Variants in TRIO observed in about 807,000 individuals in gnomAD.
The protein encoded by TRIO is triple functional domain protein.
In TRIO, 58 loss-of-function variants were observed where a neutral mutation model predicts 351.9. The ratio of observed to expected loss-of-function variants is 0.16; its 90% CI spans 0.13 to 0.21. TRIO has a LOEUF of 0.21. Ranked by LOEUF, TRIO falls within the 10% of genes least tolerant of loss-of-function variation. The probability of loss-of-function intolerance (pLI) is 1.00; values close to 1 mark genes in which losing one functional copy is unlikely to be tolerated. For synonymous variants in TRIO, 1,758 were observed against 1,595.7 expected, an observed-to-expected ratio of 1.10 and a Z score of -2.42; for missense variants, 3,201 against 4,027.8, an observed-to-expected ratio of 0.79 and a Z score of 5.56.
rs572624454 is a variant in TRIO at position 14,190,790 on chromosome 5, A to G, written c.157+46908A>G. Reference sequence around the variant, plus strand: ...AAAAAATCCACCTCAAAAAGAAGTGAATGGCTGTTATGATCACCTCAGAAG... The same window carrying G: ...AAAAAATCCACCTCAAAAAGAAGTGGATGGCTGTTATGATCACCTCAGAAG... On this transcript the variant is annotated intron_variant, in intron 1 of 56. Transcript: ENST00000344204. Among the ~76,000 whole-genome samples the G allele has an allele frequency of 2.0e-5, 3 of 152,298 alleles. No individual in the cohort carries two copies. In the East Asian group the frequency reaches 5.8e-4, roughly 29 times the overall value.
chr5:14,418,008 T>C (rs1173135246), intron 33 of TRIO, among the ~76,000 whole-genome samples: 1 of 152,062 alleles, frequency 6.6e-6, no homozygotes, highest in Non-Finnish European at 1.5e-5. Context: ...GGATGGAAAG[T>C]TCACAGAAGA....
chr5:14,374,130 T>C, intron 18 of TRIO, 99 bp from the exon 19 acceptor site: 1 of 767,466 alleles, frequency 1.3e-6, no homozygotes, highest in Non-Finnish European at 2.1e-6. Flanking sequence ...CAGATAAATA[T>C]TTTAGGTAAA....
intron 34 of TRIO, chr5:14,440,884 G>C (rs1751975562): frequency 6.6e-6 from 1 of 152,230 alleles, no homozygotes; most frequent in South Asian, 2.1e-4. Context: ...AGTGCAGGCG[G>C]GGAGAGACAT....
At chr5:14,269,435 A>G (rs1581490896) in intron 1 of TRIO, among the ~76,000 whole-genome samples, 2 of 152,368 alleles carry the variant, frequency 1.3e-5, no homozygotes, top group East Asian at 1.9e-4. Context: ...CCTGACCCAC[A>G]CTACACATTC....
At chr5:14,496,847 C>T in intron 49 of TRIO, 32 bp from the exon 50 acceptor site, 1 of 1,611,010 alleles carries the variant, frequency 6.2e-7, no homozygotes, top group Non-Finnish European at 8.5e-7. Context: ...GTTGGAAAGG[C>T]ATAATACCCA....
At chr5:14,484,117 C>T (rs1755744784) in intron 46 of TRIO, among the ~76,000 whole-genome samples, 1 of 152,188 alleles carries the variant, frequency 6.6e-6, no homozygotes, top group Non-Finnish European at 1.5e-5. Context: ...CCCTGCACTG[C>T]ACCCATCCCC....
chr5:14,344,238 G>A (rs1742203608), intron 11 of TRIO, among the ~76,000 whole-genome samples: 1 of 150,446 alleles, frequency 6.6e-6, no homozygotes, highest in South Asian at 2.1e-4. Flanking sequence ...TTTGACCTTG[G>A]CATCACTTGG....
intron 1 of TRIO, among the ~76,000 whole-genome samples, chr5:14,162,156 A>G (rs752633776): frequency 2.0e-5 from 3 of 152,216 alleles, no homozygotes; most frequent in East Asian, 3.8e-4. Flanking sequence ...TTCCATTCAC[A>G]TATCTGGAGA....
chr5:14,403,993 TGTG>T lies in TRIO; in HGVS notation c.4717-1851_4717-1849del, dbSNP rs536308194. 1.0e-3 allele frequency among the ~76,000 whole-genome samples: 76 copies of T among 73,492 alleles called. No homozygotes were observed. The East Asian group carries it at 0.017, about 16-fold the overall frequency. The allele number at this position is 73,492 out of a possible 152,430, so 48.2% of individuals were successfully genotyped here. A position where few individuals can be genotyped will look rare whatever the true frequency, so the allele number is the denominator to read the frequency against. On this transcript the variant is annotated intron_variant, in intron 31 of 56. Coordinates refer to ENST00000344204, the MANE Select transcript of TRIO (RefSeq NM_007118.4). Reference sequence around the variant, plus strand: ...GGGTACAGGTGGTGAGGGTGCAGGTTGTGGTGAGGGTGTAGGTTGTGGTGAGGG... The same window carrying T: ...GGGTACAGGTGGTGAGGGTGCAGGTTGTGAGGGTGTAGGTTGTGGTGAGGG...
At chr5:14,253,466 C>T (rs1210239759) in intron 1 of TRIO, among the ~76,000 whole-genome samples, 1 of 152,196 alleles carries the variant, frequency 6.6e-6, no homozygotes, top group Non-Finnish European at 1.5e-5. Context: ...AGTGATCCTC[C>T]TGCCTCAGCC....
At chr5:14,346,542 A>AG (rs1742432429) in intron 11 of TRIO, among the ~76,000 whole-genome samples, 1 of 152,216 alleles carries the variant, frequency 6.6e-6, no homozygotes, top group Non-Finnish European at 1.5e-5. Context: ...TTTTTAAAGA[A>AG]GGTGGATTTC....
intron 56 of TRIO, among the ~76,000 whole-genome samples, chr5:14,507,603 C>T (rs1450306658): frequency 6.6e-6 from 1 of 151,980 alleles, no homozygotes; most frequent in Non-Finnish European, 1.5e-5. Flanking sequence ...AAAATGAACA[C>T]CCAGCTTCAT....
In TRIO at chr5:14,222,447, G is replaced by A. The variant is rs374149511; in HGVS notation, c.158-48378G>A. On this transcript the variant is annotated intron_variant, in intron 1 of 56. Transcript: ENST00000344204. Reference sequence around the variant, plus strand: ...GATGATGTCTTAGTTCCCTTTCATCGCAACCTCATTTTGTATTGTTTTGAA... The same window carrying A: ...GATGATGTCTTAGTTCCCTTTCATCACAACCTCATTTTGTATTGTTTTGAA... Among the ~76,000 whole-genome samples, 33 of 152,174 alleles carry A rather than the reference G, an allele frequency of 2.2e-4. No homozygotes were observed. The South Asian group carries it at 6.4e-3, about 30-fold the overall frequency.
intron 8 of TRIO, among the ~76,000 whole-genome samples, chr5:14,308,520 CTCCA>C (rs1738589774): frequency 6.6e-6 from 1 of 151,354 alleles, no homozygotes; most frequent in Admixed American, 6.6e-5. Context: ...CCCTCCCAAC[CTCCA>C]TCCATTTATC....
chr5:14,184,247 T>C (rs1040845331), intron 1 of TRIO, among the ~76,000 whole-genome samples: 28 of 152,174 alleles, frequency 1.8e-4, no homozygotes, highest in Admixed American at 1.8e-3. Flanking sequence ...CAGTTCTGTT[T>C]TGAGAGCCGA....
chr5:14,427,982 A>G (rs2152395284), intron 34 of TRIO, among the ~76,000 whole-genome samples: 1 of 152,268 alleles, frequency 6.6e-6, no homozygotes, highest in Non-Finnish European at 1.5e-5. Context: ...AGCCTCTGTG[A>G]CCAAACCCGG....
intron 1 of TRIO, among the ~76,000 whole-genome samples, chr5:14,197,245 A>G (rs1581328153): frequency 1.3e-5 from 2 of 152,172 alleles, no homozygotes; most frequent in East Asian, 1.9e-4. Context: ...TCTGAGCACC[A>G]GATACTGATT....
In TRIO at chr5:14,290,857, A is replaced by G; in HGVS notation, c.682A>G (p.Thr228Ala). 3.7e-6 allele frequency: 6 copies of G among 1,614,104 alleles called. No homozygotes were observed. The highest frequency in any genetic ancestry group is 5.1e-6 in the Non-Finnish European group (6 of 1,180,026). The stretch of plus-strand genomic sequence containing the variant: ...TTTTGAAGACTACATTAGCAATGCC[A>G]CCCACATGCTGTCTCGGCTGGAGGA... ...VAFEDYISNATHMLSRLEELQ... is the reference protein window; with the variant it reads ...VAFEDYISNAAHMLSRLEELQ... The change falls in exon 5 of 57, where the codon ACC becomes GCC. Residue 228 changes from threonine to alanine, a missense_variant. By Grantham distance (58) the Thr-to-Ala change is moderately conservative. This residue lies in a region of TRIO where 349 missense variants were observed against 449.3 expected (regional missense o/e 0.78). Coordinates refer to ENST00000344204, the MANE Select transcript of TRIO (RefSeq NM_007118.4).
intron 35 of TRIO, among the ~76,000 whole-genome samples, chr5:14,462,543 A>T (rs1368606396): frequency 1.3e-5 from 2 of 152,206 alleles, no homozygotes; most frequent in African/African-American, 4.8e-5. Context: ...ATGACACATG[A>T]CACATTCAGT....
Sources: gnomAD v4.1 joint callset for allele counts (sites outside exome capture counted in the v4.1 genomes callset) on GRCh38, gnomAD v4.1.1 for gene constraint, gnomAD v4.1.1 regional missense constraint, MANE v1.5 for transcripts, NCBI Gene and HGNC (gene_info 2026-07-23, HGNC 2026-07-21) for gene names.